Variants in CCM2 observed in about 807,000 individuals in gnomAD.
CCM2 encodes CCM2 scaffold protein.
In CCM2, 25 loss-of-function variants were observed where a neutral mutation model predicts 44.9. That is an observed-to-expected ratio of 0.56 (90% CI 0.41 to 0.78). The LOEUF (loss-of-function observed/expected upper bound fraction) is 0.78, where lower values mean the gene tolerates loss of function less well. Ranked by LOEUF, CCM2 falls within the 30% of genes least tolerant of loss-of-function variation. CCM2 has a pLI of 0.00. For synonymous variants in CCM2, 219 were observed against 241.1 expected (o/e 0.91, Z 0.85); for missense variants, 481 against 580.6 (o/e 0.83, Z 1.76).
intron 2 of CCM2, among the ~76,000 whole-genome samples, chr7:45,056,327 A>G (rs567585532): frequency 3.9e-5 from 6 of 152,320 alleles, no homozygotes; most frequent in East Asian, 3.9e-4. Context: ...ATATCTCCAT[A>G]TCTTTGCCAA....
At chr7:45,026,060 C>A (rs1303487681) in intron 1 of CCM2, among the ~76,000 whole-genome samples, 1 of 152,090 alleles carries the variant, frequency 6.6e-6, no homozygotes, top group Non-Finnish European at 1.5e-5. Context: ...TGTCTATTTC[C>A]CTGGAATCCT....
intron 1 of CCM2, among the ~76,000 whole-genome samples, chr7:45,026,107 G>T (rs973958215): frequency 6.6e-6 from 1 of 152,192 alleles, no homozygotes; most frequent in African/African-American, 2.4e-5. Flanking sequence ...AGGTGAGGCT[G>T]CTCAGCTGAG....
intron 1 of CCM2, among the ~76,000 whole-genome samples, chr7:45,005,545 G>C (rs1444013869): frequency 5.4e-5 from 2 of 37,028 alleles, no homozygotes; most frequent in South Asian, 8.1e-4. Context: ...CCCCCTCCTT[G>C]TTGTCACTTT....
At position 45,027,416 on chromosome 7, in the gene CCM2, G is replaced by A. The variant is rs554624285; in HGVS notation, c.31-10837G>A. 40 of 518,182 alleles carry A rather than the reference G, an allele frequency of 7.7e-5. No individual in the cohort carries two copies. In the East Asian group the frequency reaches 1.0e-3, roughly 13 times the overall value. 32.1% of individuals were successfully genotyped at this position (518,182 alleles called of 1,614,324 possible). On this transcript the variant is annotated intron_variant, in intron 1 of 9. Transcript: ENST00000258781. ...AATTAATGTCCTTCTGTTGACTGCA[G>A]AATTTCTGCTGGAAATGCAGGGAGG... is the stretch of plus-strand genomic sequence containing the variant.
At chr7:45,074,166 A>G in intron 8 of CCM2, 104 bp from the exon 9 acceptor site, 1 of 1,582,880 alleles carries the variant, frequency 6.3e-7, no homozygotes, top group Non-Finnish European at 8.6e-7. Context: ...GAAGCCAGAG[A>G]CAGCTGGTGC....
At chr7:45,019,478 G>A (rs1562864791) in intron 1 of CCM2, among the ~76,000 whole-genome samples, 2 of 152,106 alleles carry the variant, frequency 1.3e-5, no homozygotes, top group African/African-American at 4.8e-5. Context: ...CCTTTGTGGG[G>A]TTTCAAATGG....
At chr7:45,059,380 T>C (rs1391742399) in intron 2 of CCM2, among the ~76,000 whole-genome samples, 1 of 150,072 alleles carries the variant, frequency 6.7e-6, no homozygotes, top group Non-Finnish European at 1.5e-5. Context: ...CCTAGGAGTT[T>C]GAGACTAGCC....
intron 4 of CCM2, among the ~76,000 whole-genome samples, chr7:45,066,925 G>T (rs1798806167): frequency 6.7e-6 from 1 of 150,088 alleles, no homozygotes; most frequent in Non-Finnish European, 1.5e-5. Context: ...TTTTGAGACG[G>T]AGTCTCGCTG....
chr7:45,015,592 T>C (rs1796233576), intron 1 of CCM2, among the ~76,000 whole-genome samples: 1 of 152,208 alleles, frequency 6.6e-6, no homozygotes, highest in Non-Finnish European at 1.5e-5. Flanking sequence ...CACATTGGCT[T>C]AAGCTGGGCC....
rs577029898 is a variant in CCM2 at position 45,028,629 on chromosome 7, C to G, written c.31-9624C>G. 5.3e-5 allele frequency among the ~76,000 whole-genome samples: 8 copies of G among 152,024 alleles called. No homozygotes were observed. In the East Asian group the frequency reaches 1.5e-3, roughly 29 times the overall value. On this transcript the variant is annotated intron_variant, in intron 1 of 9. Coordinates refer to ENST00000258781, the MANE Select transcript of CCM2 (RefSeq NM_031443.4). ...CCGAGATTGCGCCACTGCACTCCAG[C>G]CTGGGTGACAGAGTGAAACTCCGGC...
At chr7:45,065,547 A>G (rs3735487) in intron 4 of CCM2, among the ~76,000 whole-genome samples, 13,388 of 152,314 alleles carry the variant, frequency 0.088, 823 homozygotes, top group Middle Eastern at 0.15. Flanking sequence ...TCAGTAGTTC[A>G]TTGAGAATCT....
At chr7:45,008,311 A>G (rs900778178) in intron 1 of CCM2, among the ~76,000 whole-genome samples, 14 of 149,114 alleles carry the variant, frequency 9.4e-5, no homozygotes, top group African/African-American at 1.7e-4. Context: ...GTCCTGACCA[A>G]TGTGTGCCTC....
intron 2 of CCM2, among the ~76,000 whole-genome samples, chr7:45,046,177 T>G (rs1225558265): frequency 6.6e-6 from 1 of 152,222 alleles, no homozygotes; most frequent in Non-Finnish European, 1.5e-5. Flanking sequence ...CTATCAAAAT[T>G]TCAGCAAGAA....
chr7:45,074,100 T>A, intron 8 of CCM2, 170 bp from the exon 9 acceptor site: 1 of 1,440,312 alleles, frequency 6.9e-7, no homozygotes, highest in Non-Finnish European at 9.3e-7. Flanking sequence ...CCGTGCCAGG[T>A]CTGGTAGGAT....
intron 2 of CCM2, among the ~76,000 whole-genome samples, chr7:45,061,456 C>CTTTTTTTTTTTTTTTTT (rs57140747): frequency 8.2e-6 from 1 of 122,284 alleles, no homozygotes; most frequent in Non-Finnish European, 1.7e-5. Flanking sequence ...TTCTTTCTTT[C>CTTTTTTTTTTTTTTTTT]TTTTTTTTTT....
intron 2 of CCM2, among the ~76,000 whole-genome samples, chr7:45,060,524 CA>C (rs2128745249): frequency 6.6e-6 from 1 of 152,324 alleles, no homozygotes; most frequent in African/African-American, 2.4e-5. Context: ...CTCATTACTC[CA>C]AATAGTTATT....
At position 45,072,997 on chromosome 7, in the gene CCM2, C is replaced by T. The variant is rs957361807; in HGVS notation, c.803+214C>T. 2.2e-5 allele frequency: 14 copies of T among 649,766 alleles called. No individual in the cohort carries two copies. The South Asian group carries it at 2.4e-4, about 11-fold the overall frequency. 40.3% of individuals were successfully genotyped at this position (649,766 alleles called of 1,614,324 possible). On this transcript the variant is annotated intron_variant, in intron 7 of 9. Coordinates refer to ENST00000258781, the MANE Select transcript of CCM2 (RefSeq NM_031443.4). ...AGCCCTTGCTGTCCCTCTTGTCTCT[C>T]CCTGCCTACCTTCCCATGGCCTCCC...
chr7:45,023,271 T>C (rs943308646), intron 1 of CCM2, among the ~76,000 whole-genome samples: 1 of 151,958 alleles, frequency 6.6e-6, no homozygotes, highest in Admixed American at 6.6e-5. Flanking sequence ...TATTTACGGC[T>C]GGGTGCAGTG....
chr7:45,028,652 G>A (rs947164046), intron 1 of CCM2, among the ~76,000 whole-genome samples: 1 of 151,740 alleles, frequency 6.6e-6, no homozygotes, highest in African/African-American at 2.4e-5. Context: ...GTGAAACTCC[G>A]GCTCAAAAAA....
Sources: allele counts gnomAD v4.1 joint callset (sites outside exome capture counted in the v4.1 genomes callset), GRCh38; gene constraint gnomAD v4.1.1; transcripts MANE v1.5; gene names NCBI Gene and HGNC (gene_info 2026-07-23, HGNC 2026-07-21).